Variants in MALT1 observed in about 807,000 individuals in gnomAD.
MALT1 encodes MALT1 paracaspase, also known as mucosa-associated lymphoid tissue lymphoma translocation protein 1.
Under a neutral mutation model 85.5 loss-of-function variants are expected in MALT1, and 36 were observed. The ratio of observed to expected loss-of-function variants is 0.42; its 90% CI spans 0.32 to 0.56. The LOEUF (loss-of-function observed/expected upper bound fraction) is 0.56. Ranked by LOEUF, MALT1 falls within the 20% of genes least tolerant of loss-of-function variation. MALT1 has a pLI of 0.10. For synonymous variants in MALT1, 359 were observed against 361.3 expected (o/e 0.99, Z 0.07); for missense variants, 716 against 981.6 (o/e 0.73, Z 3.62).
Position 58,733,405 on chromosome 18 carries a change from T to C in MALT1, c.1231T>C (p.Tyr411His). ...LLDKGVYGLL[Y>H]YAGHGYENFG... is the part of the protein sequence containing the mutation. ...ATTTTTCCTCTTTTCAGGGTTATTA[T>C]ATTATGCAGGACATGGTTATGAAAA... The change falls in exon 11 of 17, where the codon TAT (tyrosine) becomes CAT (histidine). Residue 411 changes from tyrosine (Y) to histidine (H), a missense_variant. Transcript: ENST00000649217. The C allele has an allele frequency of 6.2e-7, 1 of 1,601,138 alleles. No homozygotes were observed. The highest frequency in any genetic ancestry group is 2.2e-5 in the East Asian group (1 of 44,816).
At chr18:58,676,794 TC>T (rs1406999476) in intron 1 of MALT1, among the ~76,000 whole-genome samples, 1 of 152,204 alleles carries the variant, frequency 6.6e-6, no homozygotes, top group Admixed American at 6.5e-5. Context: ...TGCTGCTGTA[TC>T]CTCAACACCT....
intron 4 of MALT1, 128 bp downstream of exon 4, chr18:58,700,719 CAT>C (rs2054659558): frequency 1.5e-6 from 1 of 679,060 alleles, no homozygotes; most frequent in Admixed American, 3.8e-5. Context: ...GTACTTCATC[CAT>C]TATAATGTCA....
At position 58,743,729 on chromosome 18, in the gene MALT1, G is replaced by C. The variant is rs1602343839; in HGVS notation, c.1754-609G>C. Among the ~76,000 whole-genome samples the C allele has an allele frequency of 4.6e-5, 7 of 152,184 alleles. 1 individual carries two copies. Among genetic ancestry groups the C allele is most frequent in the Admixed American group, 4.6e-4 (7 of 15,278 alleles). The stretch of plus-strand genomic sequence containing the variant: ...TTAAATGGCTAATGTAAGTAATTAA[G>C]GAATAATTAAAACTGATGGTATCTT... On this transcript the variant is annotated intron_variant, in intron 14 of 16. Transcript: ENST00000649217.
At position 58,676,856 on chromosome 18, in the gene MALT1, G is replaced by T. The variant is rs564810175; in HGVS notation, c.210-4314G>T. ...TGATGGAGAAATAGATCAAATTAATGAATAAAGATTCCAAATAGTAAATGT... is the reference window on the plus strand; with the variant it reads ...TGATGGAGAAATAGATCAAATTAATTAATAAAGATTCCAAATAGTAAATGT... On this transcript the variant is annotated intron_variant, in intron 1 of 16. Transcript: ENST00000649217. Among the ~76,000 whole-genome samples, 9 of 152,248 alleles carry T rather than the reference G, an allele frequency of 5.9e-5. No individual in the cohort carries two copies. The South Asian group carries it at 6.2e-4, about 11-fold the overall frequency.
At chr18:58,689,390 G>A (rs1403113613) in intron 2 of MALT1, among the ~76,000 whole-genome samples, 1 of 151,986 alleles carries the variant, frequency 6.6e-6, no homozygotes, top group Non-Finnish European at 1.5e-5. Flanking sequence ...TATTTCAAAG[G>A]TTAGTGATAA....
At chr18:58,745,262 G>A (rs1244276424) in intron 15 of MALT1, among the ~76,000 whole-genome samples, 1 of 152,186 alleles carries the variant, frequency 6.6e-6, no homozygotes, top group East Asian at 1.9e-4. Flanking sequence ...GGAAAAGGCT[G>A]TTTATTTATC....
intron 10 of MALT1, among the ~76,000 whole-genome samples, chr18:58,725,261 G>T (rs566437016): frequency 1.5e-3 from 232 of 152,320 alleles, no homozygotes; most frequent in African/African-American, 5.4e-3. Context: ...GGCAGAGGTT[G>T]CAGTGAACCA....
chr18:58,747,626 G>T lies in MALT1; in HGVS notation c.2259G>T (p.Leu753Phe). The T allele has an allele frequency of 6.2e-7, 1 of 1,614,168 alleles. No individual in the cohort carries two copies. The highest frequency in any genetic ancestry group is 8.5e-7 in the Non-Finnish European group (1 of 1,180,016). ...TSGGAGHYHS[L>F]QDPFHGVYHS... Reference sequence around the variant, plus strand: ...GAGGAGCAGGGCATTATCACTCATTGCAAGACCCATTCCATGGTGTTTACC... The same window carrying T: ...GAGGAGCAGGGCATTATCACTCATTTCAAGACCCATTCCATGGTGTTTACC... The change falls in exon 17 of 17, where the codon TTG becomes TTT. Residue 753 changes from leucine to phenylalanine, a missense_variant. This residue lies in a region of MALT1 where 260 missense variants were observed against 323.7 expected (regional missense o/e 0.80). Coordinates refer to ENST00000649217, the MANE Select transcript of MALT1 (RefSeq NM_006785.4).
At position 58,749,143 on chromosome 18, in the gene MALT1, CATT is replaced by C; in HGVS notation, c.*1305_*1307del. 1 of 217,866 alleles carries C rather than the reference CATT, an allele frequency of 4.6e-6. No homozygotes were observed. Among genetic ancestry groups the C allele is most frequent in the Non-Finnish European group, 9.2e-6 (1 of 108,518 alleles). The allele number at this position is 217,866 out of a possible 1,614,324, so 13.5% of individuals were successfully genotyped here. A position where few individuals can be genotyped will look rare whatever the true frequency, so the allele number is the denominator to read the frequency against. On this transcript the variant is annotated 3_prime_UTR_variant, in exon 17 of 17. Transcript: ENST00000649217. ...AATAAGCTAATATACAGTCAGTTCT[CATT>C]ATTCACAGTAATTATGTTCTACAGA... is the stretch of plus-strand genomic sequence containing the variant.
chr18:58,733,191 G>A (rs1473887603), intron 10 of MALT1, among the ~76,000 whole-genome samples: 3 of 152,194 alleles, frequency 2.0e-5, no homozygotes, highest in Non-Finnish European at 1.5e-5. Context: ...GATTATAGGT[G>A]TGAGCCGTCA....
intron 13 of MALT1, among the ~76,000 whole-genome samples, chr18:58,737,863 G>A (rs1322672081): frequency 6.6e-6 from 1 of 152,174 alleles, no homozygotes; most frequent in Non-Finnish European, 1.5e-5. Flanking sequence ...GATTACAGAC[G>A]TGAGCCACCA....
At chr18:58,722,035 C>T (rs1253374826) in intron 9 of MALT1, among the ~76,000 whole-genome samples, 2 of 152,098 alleles carry the variant, frequency 1.3e-5, no homozygotes, top group Non-Finnish European at 2.9e-5. Flanking sequence ...GCCCCACTGT[C>T]AGCCCTCAAG....
Position 58,727,138 on chromosome 18 carries a change from A to G in MALT1, c.1222+3887A>G, listed in dbSNP as rs527314688. Among the ~76,000 whole-genome samples the G allele has an allele frequency of 2.0e-5, 3 of 152,294 alleles. No homozygotes were observed. The East Asian group carries it at 5.8e-4, about 29-fold the overall frequency. ...CTATTATTGTTGTCGTTTCCTGTCA[A>G]TTTATTAAAGACATTCAAGCACTTT... On this transcript the variant is annotated intron_variant, in intron 10 of 16. Coordinates refer to ENST00000649217, the MANE Select transcript of MALT1 (RefSeq NM_006785.4).
intron 4 of MALT1, among the ~76,000 whole-genome samples, chr18:58,706,022 G>C (rs965538241): frequency 7.2e-5 from 11 of 152,176 alleles, no homozygotes; most frequent in Non-Finnish European, 2.9e-5. Context: ...GTCTCTCTCT[G>C]TCGCCCAGGC....
At chr18:58,691,403 C>G (rs1361694463) in intron 2 of MALT1, 1 of 545,492 alleles carries the variant, frequency 1.8e-6, no homozygotes, top group Non-Finnish European at 3.2e-6. Context: ...ACACCAAGAT[C>G]TCGGAGCAGC....
intron 9 of MALT1, among the ~76,000 whole-genome samples, chr18:58,722,564 A>G (rs1236698550): frequency 6.7e-6 from 1 of 149,174 alleles, no homozygotes; most frequent in African/African-American, 2.5e-5. Context: ...TCTCTCTTTG[A>G]TATTTCCCCT....
chr18:58,704,400 T>C (rs9961487), intron 4 of MALT1, among the ~76,000 whole-genome samples: 18,025 of 152,202 alleles, frequency 0.12, 1,631 homozygotes, highest in African/African-American at 0.26. Context: ...TTATCTCTGG[T>C]AATCCTCTTT....
chr18:58,706,271 C>T (rs1428963370), intron 4 of MALT1, among the ~76,000 whole-genome samples: 3 of 152,196 alleles, frequency 2.0e-5, no homozygotes, highest in African/African-American at 7.2e-5. Context: ...ATTCTCCTGC[C>T]TCAGCCTCCT....
chr18:58,688,795 A>G (rs889423209), intron 2 of MALT1, among the ~76,000 whole-genome samples: 8 of 152,056 alleles, frequency 5.3e-5, no homozygotes, highest in Non-Finnish European at 1.2e-4. Flanking sequence ...TGTGTGATAC[A>G]CTTTCTCAGT....
Sources: gnomAD v4.1 joint callset for allele counts (sites outside exome capture counted in the v4.1 genomes callset) on GRCh38, gnomAD v4.1.1 for gene constraint, gnomAD v4.1.1 regional missense constraint, MANE v1.5 for transcripts, NCBI Gene and HGNC (gene_info 2026-07-23, HGNC 2026-07-21) for gene names.